Variants in LGMN observed in about 807,000 individuals in gnomAD.
The protein encoded by LGMN is legumain.
A neutral mutation model predicts 56.8 loss-of-function variants in LGMN; 36 were observed. The ratio of observed to expected loss-of-function variants is 0.63; its 90% CI spans 0.49 to 0.84. LGMN has a LOEUF of 0.84. Ranked by LOEUF, LGMN falls within the 40% of genes least tolerant of loss-of-function variation. The pLI, the probability that LGMN is intolerant of heterozygous loss-of-function variation, is 0.00. For missense variants in LGMN, 446 were observed against 556.1 expected, an observed-to-expected ratio of 0.80 and a Z score of 1.99; for synonymous variants, 199 against 210.1, an observed-to-expected ratio of 0.95 and a Z score of 0.46.
Position 92,704,116 on chromosome 14 carries a change from T to C in LGMN, c.*203A>G. 1 of 717,312 alleles carries C rather than the reference T, an allele frequency of 1.4e-6. No individual in the cohort carries two copies. The highest frequency in any genetic ancestry group is 2.5e-6 in the Non-Finnish European group (1 of 396,332). The allele number at this position is 717,312 out of a possible 1,614,324, so 44.4% of individuals were successfully genotyped here. A position where few individuals can be genotyped will look rare whatever the true frequency, so the allele number is the denominator to read the frequency against. On this transcript the variant is annotated 3_prime_UTR_variant, in exon 14 of 14. Coordinates refer to ENST00000334869, the MANE Select transcript of LGMN (RefSeq NM_005606.7). ...CAATACAGAGCTTTTCCCACCCTAATTTGTAGTTTTTCAGAAAAGACTGGG... is the reference window on the plus strand; with the variant it reads ...CAATACAGAGCTTTTCCCACCCTAACTTGTAGTTTTTCAGAAAAGACTGGG...
At chr14:92,723,044 T>C (rs371596369) in intron 2 of LGMN, among the ~76,000 whole-genome samples, 2 of 151,320 alleles carry the variant, frequency 1.3e-5, no homozygotes, top group African/African-American at 4.9e-5. Context: ...ACCCAACAAG[T>C]CTAAATTTTT....
chr14:92,732,429 C>A (rs1891095191), intron 2 of LGMN: 1 of 513,922 alleles, frequency 1.9e-6, no homozygotes, highest in African/African-American at 1.9e-5. Context: ...TGAGGAATGA[C>A]CAAACTGTTT....
At position 92,709,644 on chromosome 14, in the gene LGMN, G is replaced by A. The variant is rs775994674; in HGVS notation, c.1020+28C>T. 16 of 1,601,552 alleles carry A rather than the reference G, an allele frequency of 1.0e-5. 3 individuals are homozygous for A. The South Asian group carries it at 1.7e-4, about 17-fold the overall frequency. The stretch of plus-strand genomic sequence containing the variant: ...CCCACCTGGGCTGGGGACAGCACCT[G>A]GGCACAGCTCCTTTCACCACTACTC... On this transcript the variant is annotated intron_variant, in intron 11 of 13. Transcript: ENST00000334869.
chr14:92,730,115 C>T (rs969983726), intron 2 of LGMN, among the ~76,000 whole-genome samples: 9 of 152,156 alleles, frequency 5.9e-5, no homozygotes, highest in African/African-American at 2.2e-4. Context: ...CGTGTTAACT[C>T]TCTGTGGTCT....
chr14:92,706,801 G>C (rs747796909), intron 11 of LGMN, 148 bp from the exon 12 acceptor site: 3 of 660,376 alleles, frequency 4.5e-6, no homozygotes, highest in African/African-American at 1.8e-5. Flanking sequence ...AATGTGCTCC[G>C]AGAAAGGCGA....
intron 2 of LGMN, among the ~76,000 whole-genome samples, chr14:92,719,281 G>C (rs1327085751): frequency 5.5e-5 from 1 of 18,102 alleles, no homozygotes; most frequent in African/African-American, 2.5e-4. Context: ...CGCCGCCACC[G>C]CCGCCGCCGC....
chr14:92,707,228 T>C (rs1595524690), intron 11 of LGMN, among the ~76,000 whole-genome samples: 1 of 141,732 alleles, frequency 7.1e-6, no homozygotes, highest in African/African-American at 2.7e-5. Context: ...CCTGCCTCTA[T>C]TAAAATAAAA....
intron 1 of LGMN, among the ~76,000 whole-genome samples, chr14:92,747,476 C>A (rs1479060346): frequency 6.6e-6 from 1 of 152,118 alleles, no homozygotes; most frequent in Non-Finnish European, 1.5e-5. Context: ...GGCGACGGAG[C>A]GAGACTCCGT....
chr14:92,747,135 T>C (rs968468010), intron 1 of LGMN, among the ~76,000 whole-genome samples: 4 of 152,080 alleles, frequency 2.6e-5, no homozygotes, highest in African/African-American at 9.7e-5. Flanking sequence ...TTCTCTGCCT[T>C]CATCATGCTG....
intron 2 of LGMN, among the ~76,000 whole-genome samples, chr14:92,722,236 TAC>T (rs1890511424): frequency 6.6e-6 from 1 of 152,048 alleles, no homozygotes; most frequent in Non-Finnish European, 1.5e-5. Context: ...CTTTAAGGTG[TAC>T]ACATGTTATA....
In LGMN at chr14:92,716,232, T is replaced by C; in HGVS notation, c.319-11A>G. On this transcript the variant is annotated splice_polypyrimidine_tract_variant and intron_variant, in intron 4 of 13. Transcript: ENST00000334869. ...TTGTGGGGTAACATCCTACAAAGAA[T>C]TAGGAGCCACAATCAGATGCAGCTG... is the stretch of plus-strand genomic sequence containing the variant. The C allele has an allele frequency of 6.3e-7, 1 of 1,597,434 alleles. No individual in the cohort carries two copies. The highest frequency in any genetic ancestry group is 8.6e-7 in the Non-Finnish European group (1 of 1,164,948).
In LGMN at chr14:92,730,562, G is replaced by A. The variant is rs555361780; in HGVS notation, c.138+2087C>T. 3.8e-4 allele frequency among the ~76,000 whole-genome samples: 58 copies of A among 152,306 alleles called. No individual in the cohort carries two copies. The Middle Eastern group carries it at 0.01, about 27-fold the overall frequency. ...CCACTTCAGCCTCCAGAGTAGCTGG[G>A]ACTACAAGCATGCTGGCTGGTATCT... is the stretch of plus-strand genomic sequence containing the variant. On this transcript the variant is annotated intron_variant, in intron 2 of 13. Coordinates refer to ENST00000334869, the MANE Select transcript of LGMN (RefSeq NM_005606.7).
intron 1 of LGMN, among the ~76,000 whole-genome samples, chr14:92,739,645 G>A (rs1256198036): frequency 2.0e-5 from 3 of 152,214 alleles, no homozygotes; most frequent in Non-Finnish European, 4.4e-5. Flanking sequence ...TAAGGCAGGA[G>A]AGGGAGGGAG....
At chr14:92,706,206 C>A (rs938807985) in intron 12 of LGMN, 6 of 337,730 alleles carry the variant, frequency 1.8e-5, no homozygotes, top group Non-Finnish European at 3.2e-5. Flanking sequence ...GCAGGGACAG[C>A]AGAAGTGTGA....
intron 8 of LGMN, 128 bp downstream of exon 8, chr14:92,712,677 C>CT (rs1889842164): frequency 5.2e-6 from 4 of 774,586 alleles, no homozygotes; most frequent in Admixed American, 2.2e-5. Context: ...CTGCAAGTAT[C>CT]TCCCCACTTC....
rs749957605 is a variant in LGMN at position 92,704,101 on chromosome 14, C to G, written c.*218G>C. ...AAATATGACCCTTCTCAATACAGAG[C>G]TTTTCCCACCCTAATTTGTAGTTTT... is the stretch of plus-strand genomic sequence containing the variant. On this transcript the variant is annotated 3_prime_UTR_variant, in exon 14 of 14. Transcript: ENST00000334869. The G allele has an allele frequency of 2.8e-6, 2 of 710,346 alleles. No individual in the cohort carries two copies. Among genetic ancestry groups the G allele is most frequent in the Non-Finnish European group, 2.6e-6 (1 of 391,918 alleles). The allele number at this position is 710,346 out of a possible 1,614,324, so 44.0% of individuals were successfully genotyped here. A position where few individuals can be genotyped will look rare whatever the true frequency, so the allele number is the denominator to read the frequency against.
chr14:92,732,544 C>A lies in LGMN; in HGVS notation c.138+105G>T, dbSNP rs1175748221. On this transcript the variant is annotated intron_variant, in intron 2 of 13. Transcript: ENST00000334869. Reference sequence around the variant, plus strand: ...CTATGTTACAGCCAGCCTAACAGGTCCGTCAATGGCTTTTCAAGTCTTTTC... The same window carrying A: ...CTATGTTACAGCCAGCCTAACAGGTACGTCAATGGCTTTTCAAGTCTTTTC... 24 of 1,301,648 alleles carry A rather than the reference C, an allele frequency of 1.8e-5. No homozygotes were observed. The Middle Eastern group carries it at 8.0e-4, about 43-fold the overall frequency. The allele number at this position is 1,301,648 out of a possible 1,614,324, so 80.6% of individuals were successfully genotyped here. A position where few individuals can be genotyped will look rare whatever the true frequency, so the allele number is the denominator to read the frequency against.
At chr14:92,736,261 G>C (rs920170601) in intron 1 of LGMN, among the ~76,000 whole-genome samples, 1 of 152,140 alleles carries the variant, frequency 6.6e-6, no homozygotes, top group Non-Finnish European at 1.5e-5. Context: ...AATCTTTGTA[G>C]AACTGCTGTC....
At chr14:92,715,770 G>C (rs1223430078) in intron 5 of LGMN, 1 of 173,536 alleles carries the variant, frequency 5.8e-6, no homozygotes, top group Non-Finnish European at 1.2e-5. Context: ...TCAGAGCACA[G>C]GGCTGGTGGC....
Sources: gnomAD v4.1 joint callset for allele counts (sites outside exome capture counted in the v4.1 genomes callset) on GRCh38, gnomAD v4.1.1 for gene constraint, MANE v1.5 for transcripts, NCBI Gene and HGNC (gene_info 2026-07-23, HGNC 2026-07-21) for gene names.